MSI2: variants seen among roughly 807,000 people sequenced by gnomAD.
MSI2 encodes musashi RNA binding protein 2.
A neutral mutation model predicts 45.6 loss-of-function variants in MSI2; 17 were observed. The ratio of observed to expected loss-of-function variants is 0.37; its 90% CI spans 0.26 to 0.56. The LOEUF (loss-of-function observed/expected upper bound fraction) is 0.56. Ranked by LOEUF, MSI2 falls within the 20% of genes least tolerant of loss-of-function variation. MSI2 has a pLI of 0.77. For missense variants in MSI2, 293 were observed against 444.2 expected (o/e 0.66, Z 3.06); for synonymous variants, 156 against 158.2 (o/e 0.99, Z 0.11).
intron 6 of MSI2, chr17:57,449,110 G>A (rs1469522347): frequency 6.6e-6 from 1 of 152,316 alleles, no homozygotes; most frequent in African/African-American, 2.4e-5. Flanking sequence ...TGATGTGCCA[G>A]TACCCACCCA....
intron 7 of MSI2, among the ~76,000 whole-genome samples, chr17:57,530,188 G>A (rs2086792119): frequency 6.6e-6 from 1 of 152,152 alleles, no homozygotes; most frequent in South Asian, 2.1e-4. Flanking sequence ...TACAGCCTTG[G>A]GAATGCTCCG....
intron 6 of MSI2, among the ~76,000 whole-genome samples, chr17:57,431,927 C>T (rs11650227): frequency 0.39 from 59,668 of 151,722 alleles, 12,423 homozygotes; most frequent in African/African-American, 0.52. Flanking sequence ...CATTTGGCGG[C>T]GGTGTGGAAT....
intron 12 of MSI2, among the ~76,000 whole-genome samples, chr17:57,675,732 C>G (rs1472069458): frequency 6.6e-6 from 1 of 152,188 alleles, no homozygotes; most frequent in African/African-American, 2.4e-5. Context: ...ATGTTTCTTA[C>G]AGTTTCCAGG....
rs965980634 is a variant in MSI2, at chr17:57,258,125, G to A, written c.186-145G>A. The A allele has an allele frequency of 4.5e-6, 3 of 666,074 alleles. No individual in the cohort carries two copies. The Admixed American group carries it at 6.7e-5, about 15-fold the overall frequency. 41.3% of individuals were successfully genotyped at this position (666,074 alleles called of 1,614,324 possible). A position where few individuals can be genotyped will look rare whatever the true frequency, so the allele number is the denominator to read the frequency against. ...TTGCGAGGTGGAGGGCTGTAGGCAG[G>A]AGGGGAATTGGAGGAGGGGAGTGGG... On this transcript the variant is annotated intron_variant, in intron 3 of 13. Transcript: ENST00000284073.
intron 6 of MSI2, among the ~76,000 whole-genome samples, chr17:57,527,500 G>T (rs572709074): frequency 7.2e-5 from 11 of 152,250 alleles, no homozygotes; most frequent in Non-Finnish European, 1.3e-4. Flanking sequence ...AAAGGAGTTT[G>T]TCCTGCCTGG....
intron 5 of MSI2, among the ~76,000 whole-genome samples, chr17:57,362,516 T>C (rs1381733175): frequency 1.3e-5 from 2 of 152,198 alleles, no homozygotes; most frequent in Non-Finnish European, 2.9e-5. Flanking sequence ...GCTTGCTAAG[T>C]GGCTGTTGTA....
At chr17:57,461,221 A>G (rs2085220856) in intron 6 of MSI2, among the ~76,000 whole-genome samples, 1 of 151,054 alleles carries the variant, frequency 6.6e-6, no homozygotes, top group Admixed American at 6.6e-5. Context: ...GTTGTCACCC[A>G]CTCTTCTCTG....
chr17:57,662,726 G>A (rs1436550711), intron 11 of MSI2, among the ~76,000 whole-genome samples: 1 of 152,200 alleles, frequency 6.6e-6, no homozygotes, highest in Non-Finnish European at 1.5e-5. Context: ...TATCCTTGGG[G>A]GAGGAGATAA....
chr17:57,567,977 T>C lies in MSI2; in HGVS notation c.455-28891T>C, dbSNP rs534299432. ...TGTCTCCATTTGATAGATGGAGATA[T>C]TGAGGCACAGCGGGATTTGATGACA... is the stretch of plus-strand genomic sequence containing the variant. On this transcript the variant is annotated intron_variant, in intron 7 of 13. Transcript: ENST00000284073. Among the ~76,000 whole-genome samples, 8 of 152,356 alleles carry C rather than the reference T, an allele frequency of 5.3e-5. No homozygotes were observed. The East Asian group carries it at 1.4e-3, about 26-fold the overall frequency.
chr17:57,506,356 C>T (rs1289271565), intron 6 of MSI2, among the ~76,000 whole-genome samples: 2 of 152,186 alleles, frequency 1.3e-5, no homozygotes, highest in Non-Finnish European at 2.9e-5. Context: ...GTTATTATGG[C>T]TCATTTGGTA....
chr17:57,543,265 G>C (rs893927012), intron 7 of MSI2, among the ~76,000 whole-genome samples: 1 of 152,198 alleles, frequency 6.6e-6, no homozygotes, highest in African/African-American at 2.4e-5. Flanking sequence ...ATTTTTTCTT[G>C]CTGGCTTAAG....
intron 7 of MSI2, among the ~76,000 whole-genome samples, chr17:57,568,709 C>T (rs753475942): frequency 6.6e-6 from 1 of 152,214 alleles, no homozygotes; most frequent in Non-Finnish European, 1.5e-5. Flanking sequence ...CTAGAGGGTG[C>T]TTTTCAGCAC....
intron 5 of MSI2, among the ~76,000 whole-genome samples, chr17:57,390,326 C>T (rs1456957758): frequency 6.6e-6 from 1 of 152,184 alleles, no homozygotes; most frequent in Non-Finnish European, 1.5e-5. Flanking sequence ...TAGCTTCTTA[C>T]AGAGCCCTGG....
At chr17:57,380,820 A>T (rs2083586122) in intron 5 of MSI2, among the ~76,000 whole-genome samples, 2 of 151,950 alleles carry the variant, frequency 1.3e-5, no homozygotes, top group African/African-American at 4.8e-5. Context: ...ACCTTCTCTC[A>T]CTTCTGTGTG....
At chr17:57,321,547 T>G (rs1913344789) in intron 5 of MSI2, among the ~76,000 whole-genome samples, 1 of 152,196 alleles carries the variant, frequency 6.6e-6, no homozygotes, top group Admixed American at 6.5e-5. Context: ...GAATCCATGC[T>G]GAGCTTTCTC....
intron 5 of MSI2, among the ~76,000 whole-genome samples, chr17:57,397,629 C>T (rs1349507317): frequency 6.6e-6 from 1 of 152,232 alleles, no homozygotes; most frequent in African/African-American, 2.4e-5. Flanking sequence ...TCTCGTGTCC[C>T]TCACCAGAAT....
At chr17:57,524,438 A>G (rs1236918471) in intron 6 of MSI2, among the ~76,000 whole-genome samples, 6 of 152,370 alleles carry the variant, frequency 3.9e-5, no homozygotes, top group Admixed American at 2.0e-4. Context: ...TGCCTCATAC[A>G]TGCATGTTGC....
intron 5 of MSI2, among the ~76,000 whole-genome samples, chr17:57,273,537 G>C (rs1043263059): frequency 5.3e-4 from 28 of 52,700 alleles, no homozygotes; most frequent in African/African-American, 2.8e-3. Flanking sequence ...GATGTGGGTG[G>C]GGGGGGGGAC....
chr17:57,272,219 T>C (rs1023843506), intron 5 of MSI2, among the ~76,000 whole-genome samples: 5 of 152,232 alleles, frequency 3.3e-5, no homozygotes, highest in African/African-American at 1.2e-4. Context: ...TTTACTGTGG[T>C]GTTCTCCACC....
Sources: allele counts gnomAD v4.1 joint callset (sites outside exome capture counted in the v4.1 genomes callset), GRCh38; gene constraint gnomAD v4.1.1; transcripts MANE v1.5; gene names NCBI Gene and HGNC (gene_info 2026-07-23, HGNC 2026-07-21).